The following EIF2S2 variants were observed in gnomAD, a reference collection of about 807,000 sequenced individuals.
EIF2S2 encodes eukaryotic translation initiation factor 2 subunit 2.
Under a neutral mutation model 44.0 loss-of-function variants are expected in EIF2S2, and 4 were observed. The observed-to-expected ratio is 0.09, with a 90% confidence interval of 0.04 to 0.21. EIF2S2 has a LOEUF of 0.21. Ranked by LOEUF, EIF2S2 falls within the 10% of genes least tolerant of loss-of-function variation. The pLI is 1.00. For missense variants in EIF2S2, 154 were observed against 392.0 expected (o/e 0.39, Z 5.13); for synonymous variants, 108 against 128.3 (o/e 0.84, Z 1.07).
At chr20:34,098,225 G>A (rs966285763) in intron 4 of EIF2S2, among the ~76,000 whole-genome samples, 11 of 148,534 alleles carry the variant, frequency 7.4e-5, no homozygotes, top group African/African-American at 1.7e-4. Flanking sequence ...CAGCCTGGGC[G>A]ACAAGAGTGA....
rs2034127828 is a variant in EIF2S2 at position 34,088,936 on chromosome 20, A to G, written c.*794T>C. On this transcript the variant is annotated 3_prime_UTR_variant, in exon 9 of 9. Transcript: ENST00000374980. ...CTGTTTGGACTCCTCCTCCTCTTGG[A>G]GGAGTTTCCTGAACCGCACACACAT... The G allele has an allele frequency of 6.6e-6, 1 of 152,582 alleles. No individual in the cohort carries two copies. Among genetic ancestry groups the G allele is most frequent in the Non-Finnish European group, 1.5e-5 (1 of 68,038 alleles). The allele number at this position is 152,582 out of a possible 1,614,324, so 9.5% of individuals were successfully genotyped here.
Position 34,089,099 on chromosome 20 carries a change from T to C in EIF2S2, c.*631A>G, listed in dbSNP as rs1427753211. 6.5e-6 allele frequency: 1 copy of C among 152,754 alleles called. No homozygotes were observed. The highest frequency in any genetic ancestry group is 1.5e-5 in the Non-Finnish European group (1 of 68,124). The allele number at this position is 152,754 out of a possible 1,614,324, so 9.5% of individuals were successfully genotyped here. On this transcript the variant is annotated 3_prime_UTR_variant, in exon 9 of 9. Coordinates refer to ENST00000374980, the MANE Select transcript of EIF2S2 (RefSeq NM_003908.5). ...GTACCTAGCACCTTGTATTCCCTCA[T>C]GTGGTAACAGCTGGGGGAGGACTTG...
Position 34,089,661 on chromosome 20 carries a change from T to C in EIF2S2, c.*69A>G. On this transcript the variant is annotated 3_prime_UTR_variant, in exon 9 of 9. Transcript: ENST00000374980. ...ATCTTGTTTTTAATACAACGGTATATCCACTCTGATGGCAAACCTGTCCAG... is the reference window on the plus strand; with the variant it reads ...ATCTTGTTTTTAATACAACGGTATACCCACTCTGATGGCAAACCTGTCCAG... 1 of 1,529,484 alleles carries C rather than the reference T, an allele frequency of 6.5e-7. No homozygotes were observed. The highest frequency in any genetic ancestry group is 1.2e-5 in the South Asian group (1 of 81,252). 94.7% of individuals were successfully genotyped at this position (1,529,484 alleles called of 1,614,324 possible). A position where few individuals can be genotyped will look rare whatever the true frequency, so the allele number is the denominator to read the frequency against.
At chr20:34,091,597 A>C (rs1452644658) in intron 7 of EIF2S2, among the ~76,000 whole-genome samples, 7 of 151,754 alleles carry the variant, frequency 4.6e-5, no homozygotes, top group Non-Finnish European at 7.4e-5. Flanking sequence ...GGGCGCCTAT[A>C]GTCCCAGCTA....
chr20:34,094,411 G>A (rs539356575), intron 6 of EIF2S2, among the ~76,000 whole-genome samples: 1 of 152,110 alleles, frequency 6.6e-6, no homozygotes, highest in East Asian at 1.9e-4. Context: ...TCATAAAATA[G>A]CATAAAACCT....
intron 3 of EIF2S2, among the ~76,000 whole-genome samples, chr20:34,099,657 C>T (rs1204733351): frequency 6.6e-6 from 1 of 152,144 alleles, no homozygotes; most frequent in Admixed American, 6.5e-5. Flanking sequence ...TGCCAGTCAC[C>T]ACGTATTGGG....
chr20:34,091,672 C>G (rs1036275672), intron 7 of EIF2S2, among the ~76,000 whole-genome samples: 6 of 149,260 alleles, frequency 4.0e-5, no homozygotes, highest in African/African-American at 1.5e-4. Flanking sequence ...GAGCCAAGAT[C>G]CACGCCACTG....
intron 2 of EIF2S2, among the ~76,000 whole-genome samples, chr20:34,104,402 G>A (rs1015231611): frequency 3.9e-5 from 6 of 152,134 alleles, no homozygotes; most frequent in Non-Finnish European, 8.8e-5. Flanking sequence ...GGTATCCCCA[G>A]AGTGATTGGA....
intron 2 of EIF2S2, among the ~76,000 whole-genome samples, chr20:34,104,090 A>T (rs549013273): frequency 2.1e-4 from 32 of 152,326 alleles, no homozygotes; most frequent in Admixed American, 2.0e-3. Flanking sequence ...GACCATGTTG[A>T]GAATATTTAT....
chr20:34,102,540 CATT>C (rs1314023738), intron 3 of EIF2S2, among the ~76,000 whole-genome samples: 1 of 152,180 alleles, frequency 6.6e-6, no homozygotes, highest in Non-Finnish European at 1.5e-5. Flanking sequence ...AAAATTATGA[CATT>C]ATTTCTAAAA....
intron 6 of EIF2S2, among the ~76,000 whole-genome samples, chr20:34,094,404 T>C (rs1188322290): frequency 6.6e-6 from 1 of 152,102 alleles, no homozygotes; most frequent in Non-Finnish European, 1.5e-5. Context: ...GAGACTATCA[T>C]AAAATAGCAT....
chr20:34,109,500 A>C (rs2034386642), intron 1 of EIF2S2, among the ~76,000 whole-genome samples: 1 of 152,012 alleles, frequency 6.6e-6, no homozygotes, highest in Non-Finnish European at 1.5e-5. Context: ...CATTTCTACA[A>C]AAATTAAAAA....
At chr20:34,098,810 G>A (rs901492055) in intron 3 of EIF2S2, among the ~76,000 whole-genome samples, 177 bp from the exon 4 acceptor site, 3 of 152,156 alleles carry the variant, frequency 2.0e-5, no homozygotes, top group South Asian at 2.1e-4. Context: ...TTACAGGCAT[G>A]AGCCACCACA....
intron 4 of EIF2S2, 29 bp from the exon 5 acceptor site, chr20:34,097,545 G>T: frequency 6.3e-7 from 1 of 1,587,134 alleles, no homozygotes; most frequent in South Asian, 1.1e-5. Flanking sequence ...TTAAGAATGA[G>T]GGGTGGGCCC....
At chr20:34,098,122 T>TGG (rs1198608221) in intron 4 of EIF2S2, among the ~76,000 whole-genome samples, 36 of 152,042 alleles carry the variant, frequency 2.4e-4, no homozygotes, top group Admixed American at 2.4e-3. Flanking sequence ...GGCGAATGCC[T>TGG]GTAATCCCAG....
chr20:34,100,041 G>T (rs1392539143), intron 3 of EIF2S2, among the ~76,000 whole-genome samples: 1 of 152,108 alleles, frequency 6.6e-6, no homozygotes, highest in East Asian at 1.9e-4. Flanking sequence ...TTGAGACTGA[G>T]TATCACTCTG....
Position 34,105,533 on chromosome 20 carries a change from G to A in EIF2S2, c.28C>T (p.Pro10Ser), listed in dbSNP as rs774872634. The A allele has an allele frequency of 1.6e-5, 26 of 1,579,474 alleles. No individual in the cohort carries two copies. The highest frequency in any genetic ancestry group is 1.2e-5 in the South Asian group (1 of 85,284). Residue 10 changes from proline to serine, a missense_variant, in exon 2 of 9, where the codon CCT becomes TCT. Physicochemically the swap from Pro to Ser is moderately conservative, Grantham distance 74. Coordinates refer to ENST00000374980, the MANE Select transcript of EIF2S2 (RefSeq NM_003908.5). ...TTCTTTTTCTTCTTGCTCATAGTAG[G>A]ATCAAAAATCATCTGTTTAAAAGAC... Reference protein sequence around the residue: MSGDEMIFDPTMSKKKKKKK... With the variant: MSGDEMIFDSTMSKKKKKKK...
chr20:34,111,807 C>G (rs2034416125), intron 1 of EIF2S2, among the ~76,000 whole-genome samples: 1 of 152,236 alleles, frequency 6.6e-6, no homozygotes, highest in Non-Finnish European at 1.5e-5. Flanking sequence ...GGGTTATTAA[C>G]CGGGCATTCG....
intron 3 of EIF2S2, among the ~76,000 whole-genome samples, chr20:34,100,719 A>G (rs1178617261): frequency 6.6e-6 from 1 of 152,204 alleles, no homozygotes; most frequent in African/African-American, 2.4e-5. Context: ...ACTCCAATAG[A>G]TGACATTATC....
Sources: allele counts gnomAD v4.1 joint callset (sites outside exome capture counted in the v4.1 genomes callset), GRCh38; gene constraint gnomAD v4.1.1; transcripts MANE v1.5; gene names NCBI Gene and HGNC (gene_info 2026-07-23, HGNC 2026-07-21).